Variants in FGD5 observed in about 807,000 individuals in gnomAD.
FGD5 encodes the protein FYVE, RhoGEF and PH domain-containing protein 5.
In FGD5, 28 loss-of-function variants were observed where a neutral mutation model predicts 133.4. The observed-to-expected ratio is 0.21, with a 90% CI of 0.16 to 0.29. The LOEUF is 0.29. Among genes scored for constraint, FGD5 ranks in the 10% least tolerant of loss-of-function variants. FGD5 has a pLI of 1.00. For missense variants in FGD5, 1,858 were observed against 1,895.2 expected (o/e 0.98, Z 0.36); for synonymous variants, 810 against 776.5 (o/e 1.04, Z -0.72).
chr3:14,884,341 C>T (rs2037883866), intron 4 of FGD5, among the ~76,000 whole-genome samples: 1 of 152,174 alleles, frequency 6.6e-6, no homozygotes, highest in South Asian at 2.1e-4. Context: ...CACCATCCTG[C>T]CCCAGGATAA....
At position 14,901,038 on chromosome 3, in the gene FGD5, G is replaced by A. The variant is rs577019436; in HGVS notation, c.3241G>A (p.Ala1081Thr). ...CCTCATCTCCAAAGTCACAGACCGTGCCAACGACAGCATGGAGCAAGGGGT... is the reference window on the plus strand; with the variant it reads ...CCTCATCTCCAAAGTCACAGACCGTACCAACGACAGCATGGAGCAAGGGGT... ...LSLISKVTDR[A>T]NDSMEQGENL... Residue 1081 changes from alanine (A) to threonine (T), a missense_variant, in exon 9 of 20, where the codon GCC becomes ACC. By Grantham distance (58) the Ala-to-Thr change is moderately conservative. Transcript: ENST00000285046. The A allele has an allele frequency of 4.3e-6, 7 of 1,613,988 alleles. No individual in the cohort carries two copies. In the African/African-American group the frequency reaches 6.7e-5, roughly 15 times the overall value.
chr3:14,900,960 C>G (rs752915546), intron 8 of FGD5, 43 bp from the exon 9 acceptor site: 2 of 1,611,126 alleles, frequency 1.2e-6, no homozygotes, highest in African/African-American at 1.3e-5. Context: ...AAATTGATGC[C>G]CCTCTTGCAA....
At chr3:14,918,521 G>A (rs55846979) in intron 12 of FGD5, among the ~76,000 whole-genome samples, 4 of 152,176 alleles carry the variant, frequency 2.6e-5, no homozygotes, top group Non-Finnish European at 4.4e-5. Context: ...GCCCGGGCTG[G>A]GCCCTGAGCA....
At chr3:14,932,496 C>A in intron 18 of FGD5, 81 bp from the exon 19 acceptor site, 18 of 1,475,094 alleles carry the variant, frequency 1.2e-5, no homozygotes, top group Non-Finnish European at 1.6e-5. Context: ...GCACTCTTCA[C>A]GCATCTCAGA....
intron 1 of FGD5, among the ~76,000 whole-genome samples, chr3:14,840,584 C>T (rs559705873): frequency 9.2e-5 from 14 of 152,308 alleles, no homozygotes; most frequent in Admixed American, 4.6e-4. Flanking sequence ...GATCCACTCC[C>T]GTTCTTTTTA....
intron 1 of FGD5, among the ~76,000 whole-genome samples, chr3:14,812,001 G>GGTGTGTGTGTGTGTGT (rs10644004): frequency 1.4e-5 from 2 of 145,566 alleles, no homozygotes; most frequent in Non-Finnish European, 3.0e-5. Flanking sequence ...ATATCCTGCT[G>GGTGTGTGTGTGTGTGT]GTGTGTGTGT....
At chr3:14,862,392 C>T (rs1399377412) in intron 1 of FGD5, among the ~76,000 whole-genome samples, 1 of 152,198 alleles carries the variant, frequency 6.6e-6, no homozygotes, top group Admixed American at 6.5e-5. Context: ...AGTCACTTTA[C>T]TGAGCCTGAT....
chr3:14,859,796 A>T (rs1453850949), intron 1 of FGD5, among the ~76,000 whole-genome samples: 3 of 152,018 alleles, frequency 2.0e-5, no homozygotes, highest in African/African-American at 7.2e-5. Context: ...AGTGTACAAG[A>T]TTTTATTTAG....
chr3:14,924,095 C>A lies in FGD5; in HGVS notation c.4025C>A (p.Ser1342Ter). 6.2e-7 allele frequency: 1 copy of A among 1,613,992 alleles called. No homozygotes were observed. The highest frequency in any genetic ancestry group is 8.5e-7 in the Non-Finnish European group (1 of 1,179,876). ...TCCGTCTTCCAGAGCATTAACCCCTCGACCTTCAAGAAGCAGAAGAAAGTC... is the reference window on the plus strand; with the variant it reads ...TCCGTCTTCCAGAGCATTAACCCCTAGACCTTCAAGAAGCAGAAGAAAGTC... Reference protein sequence around the residue: ...FSSVFQSINPSTFKKQKKVPS... With the variant: ...FSSVFQSINP Residue 1342 changes from serine to a stop codon, truncating the protein, a stop_gained, in exon 17 of 20, where the codon TCG (serine) becomes TAG (stop). Coordinates refer to ENST00000285046, the MANE Select transcript of FGD5 (RefSeq NM_152536.4). LOFTEE classifies it high-confidence loss of function.
At chr3:14,895,826 TAAGTGCTGATATTA>T (rs1274837681) in intron 4 of FGD5, among the ~76,000 whole-genome samples, 3 of 152,018 alleles carry the variant, frequency 2.0e-5, no homozygotes, top group East Asian at 1.9e-4. Context: ...TCTTTGGCCC[TAAGTGCTGATATTA>T]AAGTGCTGAT....
chr3:14,928,245 T>C (rs1252590500), intron 18 of FGD5, among the ~76,000 whole-genome samples: 1 of 151,646 alleles, frequency 6.6e-6, no homozygotes, highest in Non-Finnish European at 1.5e-5. Flanking sequence ...GGCCAATTTT[T>C]TTATTTTTTG....
intron 2 of FGD5, among the ~76,000 whole-genome samples, chr3:14,875,871 A>G (rs753097739): frequency 9.9e-5 from 15 of 151,824 alleles, no homozygotes; most frequent in Non-Finnish European, 1.8e-4. Context: ...TGGAGTGCCC[A>G]GTGACCACAG....
chr3:14,900,169 G>C (rs537152544), intron 7 of FGD5, among the ~76,000 whole-genome samples: 1 of 152,364 alleles, frequency 6.6e-6, no homozygotes, highest in African/African-American at 2.4e-5. Context: ...TGCCAGGCAG[G>C]TGCTCAATGG....
Position 14,821,313 on chromosome 3 carries a change from C to T in FGD5, c.2242C>T (p.Arg748Cys), listed in dbSNP as rs776528093. Residue 748 changes from arginine to cysteine, a missense_variant, in exon 1 of 20, where the codon CGC becomes TGC. Arg to Cys is a radical substitution (Grantham distance 180). Transcript: ENST00000285046. ...GTCCAGAGTGGAGTCCTTTGAAGAC[C>T]GCTCCCGGCCGCCCTTCCTGCCCTT... ...TVSRVESFEDRSRPPFLPLPL... is the reference protein window; with the variant it reads ...TVSRVESFEDCSRPPFLPLPL... 14 of 1,613,840 alleles carry T rather than the reference C, an allele frequency of 8.7e-6. No homozygotes were observed. Among genetic ancestry groups the T allele is most frequent in the Admixed American group, 1.7e-5 (1 of 59,994 alleles).
At chr3:14,852,828 G>A (rs752110959) in intron 1 of FGD5, among the ~76,000 whole-genome samples, 6 of 152,210 alleles carry the variant, frequency 3.9e-5, no homozygotes, top group Non-Finnish European at 8.8e-5. Context: ...TCCGAGAGGC[G>A]TGAAAGGGAG....
intron 10 of FGD5, 131 bp downstream of exon 10, chr3:14,907,842 G>T (rs1446006968): frequency 3.5e-6 from 3 of 862,718 alleles, no homozygotes; most frequent in East Asian, 5.5e-5. Flanking sequence ...CAGGCAGGCG[G>T]GTGGGCGTGG....
intron 3 of FGD5, 51 bp from the exon 4 acceptor site, chr3:14,880,691 G>T (rs2037808207): frequency 6.2e-7 from 1 of 1,613,840 alleles, no homozygotes; most frequent in Non-Finnish European, 8.5e-7. Context: ...ACCCTCCTGG[G>T]CTTACACAGG....
At chr3:14,924,709 C>G (rs1247703181) in intron 17 of FGD5, among the ~76,000 whole-genome samples, 2 of 152,148 alleles carry the variant, frequency 1.3e-5, no homozygotes, top group Non-Finnish European at 2.9e-5. Context: ...TATCAAGTAG[C>G]AGGTAGCAAG....
chr3:14,826,206 T>G (rs60700145), intron 1 of FGD5, among the ~76,000 whole-genome samples: 6,348 of 152,228 alleles, frequency 0.042, 439 homozygotes, highest in African/African-American at 0.14. Flanking sequence ...ACCCAGATTA[T>G]ACCGTGCACA....
Sources: allele counts gnomAD v4.1 joint callset (sites outside exome capture counted in the v4.1 genomes callset), GRCh38; gene constraint gnomAD v4.1.1; transcripts MANE v1.5; gene names NCBI Gene and HGNC (gene_info 2026-07-23, HGNC 2026-07-21).